The following XRCC6 variants were observed in gnomAD, a reference collection of about 807,000 sequenced individuals.
The protein encoded by XRCC6 is X-ray repair cross complementing 6, also known as DNA repair protein Ku70.
A neutral mutation model predicts 65.7 loss-of-function variants in XRCC6; 5 were observed. The ratio of observed to expected loss-of-function variants is 0.08; its 90% confidence interval spans 0.04 to 0.16. The LOEUF (loss-of-function observed/expected upper bound fraction) is 0.16. XRCC6 is among the 10% of genes least tolerant of loss of function. The pLI, the probability that XRCC6 is intolerant of heterozygous loss-of-function variation, is 1.00. For missense variants in XRCC6, 447 were observed against 738.1 expected (o/e 0.61, Z 4.57); for synonymous variants, 270 against 270.6 (o/e 1.00, Z 0.02).
chr22:41,632,005 G>T (rs922506155), intron 3 of XRCC6, among the ~76,000 whole-genome samples: 1 of 152,184 alleles, frequency 6.6e-6, no homozygotes, highest in African/African-American at 2.4e-5. Flanking sequence ...GCACGCGCCT[G>T]CAATCGCAGG....
In XRCC6 at chr22:41,663,992, G is replaced by A; in HGVS notation, c.*177G>A. Reference sequence around the variant, plus strand: ...GGTGATGGTGTAGCCCTCCCACTTTGCTGTTCCTTACTTTACTGCCTGAAT... The same window carrying A: ...GGTGATGGTGTAGCCCTCCCACTTTACTGTTCCTTACTTTACTGCCTGAAT... On this transcript the variant is annotated 3_prime_UTR_variant, in exon 13 of 13. Transcript: ENST00000360079. 1 of 684,066 alleles carries A rather than the reference G, an allele frequency of 1.5e-6. No homozygotes were observed. The highest frequency in any genetic ancestry group is 2.4e-6 in the Non-Finnish European group (1 of 410,596). 42.4% of individuals were successfully genotyped at this position (684,066 alleles called of 1,614,324 possible).
intron 6 of XRCC6, among the ~76,000 whole-genome samples, chr22:41,645,668 C>A (rs1054538640): frequency 1.7e-4 from 25 of 150,594 alleles, no homozygotes; most frequent in Non-Finnish European, 3.0e-4. Flanking sequence ...GTTAAGTAAC[C>A]CTTATTTTGA....
chr22:41,625,501 A>G (rs1294613366), intron 2 of XRCC6, among the ~76,000 whole-genome samples: 2 of 152,234 alleles, frequency 1.3e-5, no homozygotes, highest in African/African-American at 4.8e-5. Context: ...ATAGTGGCAC[A>G]TGCCCGTAAT....
At chr22:41,650,150 G>A (rs2067981648) in intron 7 of XRCC6, among the ~76,000 whole-genome samples, 1 of 151,850 alleles carries the variant, frequency 6.6e-6, no homozygotes, top group Admixed American at 6.6e-5. Context: ...TGGTACCCAG[G>A]TTGCAGTGCA....
intron 8 of XRCC6, 150 bp from the exon 9 acceptor site, chr22:41,653,379 G>A (rs2068018468): frequency 2.8e-6 from 2 of 716,784 alleles, no homozygotes; most frequent in South Asian, 5.1e-5. Flanking sequence ...ACTCTATCCT[G>A]GGTGACAGAG....
At chr22:41,651,663 G>C (rs1374827544) in intron 8 of XRCC6, among the ~76,000 whole-genome samples, 1 of 151,560 alleles carries the variant, frequency 6.6e-6, no homozygotes, top group East Asian at 1.9e-4. Flanking sequence ...GAGTAGCTGG[G>C]ATTACAGGCA....
At chr22:41,630,647 C>A (rs922412422) in intron 3 of XRCC6, among the ~76,000 whole-genome samples, 3 of 151,896 alleles carry the variant, frequency 2.0e-5, no homozygotes, top group South Asian at 4.2e-4. Context: ...GACCCTGAGG[C>A]CTTCCGCAGT....
rs1278560446 is a variant in XRCC6 at position 41,650,860 on chromosome 22, G to A, written c.1098G>A (p.Leu366=). The change falls in exon 8 of 13, where the codon CTG becomes CTA. Residue 366 remains leucine (L), a synonymous_variant. Transcript: ENST00000360079. ...AACACCATTACCTGAGGCCCTCCCT[G>A]TTCGTGTACCCAGAGGAGTCGCTGG... is the stretch of plus-strand genomic sequence containing the variant. ...LKKHHYLRPS[L]FVYPEESLVI... The A allele has an allele frequency of 6.2e-6, 10 of 1,614,036 alleles. No individual in the cohort carries two copies. The highest frequency in any genetic ancestry group is 8.5e-6 in the Non-Finnish European group (10 of 1,180,024).
At chr22:41,636,444 AG>A (rs1239981939) in intron 4 of XRCC6, 71 bp from the exon 5 acceptor site, 1 of 1,570,814 alleles carries the variant, frequency 6.4e-7, no homozygotes, top group Admixed American at 1.8e-5. Flanking sequence ...TCCTTCTGTT[AG>A]TCTTGTGGTA....
At position 41,649,838 on chromosome 22, in the gene XRCC6, C is replaced by CA. The variant is rs755487589; in HGVS notation, c.961-874dup. 8.0e-3 allele frequency among the ~76,000 whole-genome samples: 539 copies of CA among 67,630 alleles called. 2 individuals are homozygous for CA. In the East Asian group the frequency reaches 0.086, roughly 11 times the overall value. 44.4% of individuals were successfully genotyped at this position (67,630 alleles called of 152,430 possible). On this transcript the variant is annotated intron_variant, in intron 7 of 12. Transcript: ENST00000360079. ...TGCCTGGGTGACAGCGAGACTGTCT[C>CA]AAAAAAAAAAATAATAATAAATAAA... is the stretch of plus-strand genomic sequence containing the variant.
chr22:41,646,065 AGGCC>A (rs1002988994), intron 6 of XRCC6, among the ~76,000 whole-genome samples: 1 of 152,034 alleles, frequency 6.6e-6, no homozygotes, highest in Non-Finnish European at 1.5e-5. Flanking sequence ...GCACTTTGGG[AGGCC>A]AGTGCGGGTG....
At chr22:41,645,306 A>AAAAAAC (rs2067919974) in intron 6 of XRCC6, among the ~76,000 whole-genome samples, 4 of 151,538 alleles carry the variant, frequency 2.6e-5, no homozygotes, top group Admixed American at 6.6e-5. Context: ...TCTTTAAAAA[A>AAAAAAC]AAAAAACAAA....
In XRCC6 at chr22:41,661,517, A is replaced by G. The variant is rs564516905; in HGVS notation, c.1636+73A>G. 127 of 1,242,810 alleles carry G rather than the reference A, an allele frequency of 1.0e-4. 1 individual carries two copies. The South Asian group carries it at 1.1e-3, about 11-fold the overall frequency. 77.0% of individuals were successfully genotyped at this position (1,242,810 alleles called of 1,614,324 possible). On this transcript the variant is annotated intron_variant, in intron 12 of 12. Coordinates refer to ENST00000360079, the MANE Select transcript of XRCC6 (RefSeq NM_001469.5). The stretch of plus-strand genomic sequence containing the variant: ...TATGATAGTCTTATCACAGTGGGCA[A>G]TATCCTTTCAGAAATATCTATTCAC...
chr22:41,636,258 A>C lies in XRCC6; in HGVS notation c.334+7A>C, dbSNP rs1324648503. The C allele has an allele frequency of 4.9e-5, 77 of 1,580,028 alleles. No individual in the cohort carries two copies. The highest frequency in any genetic ancestry group is 6.3e-5 in the Non-Finnish European group (74 of 1,169,360). On this transcript the variant is annotated splice_region_variant and intron_variant, in intron 4 of 12. Coordinates refer to ENST00000360079, the MANE Select transcript of XRCC6 (RefSeq NM_001469.5). ...CAGGAGCTGGATAATCCAGGTCAGTAATATTTTAAGATCAGCTTTTCCCTT... is the reference window on the plus strand; with the variant it reads ...CAGGAGCTGGATAATCCAGGTCAGTCATATTTTAAGATCAGCTTTTCCCTT...
intron 3 of XRCC6, among the ~76,000 whole-genome samples, chr22:41,634,273 C>A (rs756737498): frequency 6.6e-6 from 1 of 151,548 alleles, no homozygotes; most frequent in Non-Finnish European, 1.5e-5. Flanking sequence ...GCAGCCTTGA[C>A]CTCCTGTGCT....
At chr22:41,640,019 TCCTA>T (rs2067858387) in intron 6 of XRCC6, among the ~76,000 whole-genome samples, 1 of 151,994 alleles carries the variant, frequency 6.6e-6, no homozygotes, top group South Asian at 2.1e-4. Context: ...CATTGTTTCT[TCCTA>T]AAGACCTACA....
At chr22:41,626,632 T>TTTG (rs2067677441) in intron 2 of XRCC6, among the ~76,000 whole-genome samples, 1 of 134,658 alleles carries the variant, frequency 7.4e-6, no homozygotes, top group East Asian at 2.1e-4. Flanking sequence ...TGTTTGTTTG[T>TTTG]TTTTTTTTTT....
intron 6 of XRCC6, among the ~76,000 whole-genome samples, chr22:41,645,301 A>T (rs941067360): frequency 1.4e-5 from 2 of 145,560 alleles, no homozygotes; most frequent in Non-Finnish European, 3.0e-5. Context: ...CTCCATCTTT[A>T]AAAAAAAAAA....
intron 1 of XRCC6, chr22:41,621,643 T>A (rs1054521413): frequency 1.0e-5 from 2 of 197,964 alleles, no homozygotes; most frequent in Non-Finnish European, 2.1e-5. Context: ...TTTGGGGAGG[T>A]TTTTGGGCGG....
Sources: allele counts gnomAD v4.1 joint callset (sites outside exome capture counted in the v4.1 genomes callset), GRCh38; gene constraint gnomAD v4.1.1; transcripts MANE v1.5; gene names NCBI Gene and HGNC (gene_info 2026-07-23, HGNC 2026-07-21).